The following DYNC1I2 variants were observed in gnomAD, a reference collection of about 807,000 sequenced individuals.
DYNC1I2 encodes cytoplasmic dynein 1 intermediate chain 2.
In DYNC1I2, 53 loss-of-function variants were observed where a neutral mutation model predicts 88.6. That is an observed-to-expected ratio of 0.60 (90% CI 0.48 to 0.75). DYNC1I2 has a LOEUF of 0.75. DYNC1I2 is among the 30% of genes least tolerant of loss of function. The pLI is 0.00. For missense variants in DYNC1I2, 458 were observed against 766.6 expected, an observed-to-expected ratio of 0.60 and a Z score of 4.75; for synonymous variants, 198 against 254.6, an observed-to-expected ratio of 0.78 and a Z score of 2.12.
chr2:171,728,617 A>G lies in DYNC1I2; in HGVS notation c.1258-100A>G, dbSNP rs180996802. 2.7e-6 allele frequency: 3 copies of G among 1,106,442 alleles called. No homozygotes were observed. In the African/African-American group the frequency reaches 4.8e-5, roughly 18 times the overall value. 68.5% of individuals were successfully genotyped at this position (1,106,442 alleles called of 1,614,324 possible). On this transcript the variant is annotated intron_variant, in intron 13 of 17. Transcript: ENST00000397119. ...GCTTCATTTAATTTAGATTTATGTA[A>G]ATAATAAAAGAATTGTTTACAATCA...
At chr2:171,740,170 A>G (rs1252059973) in intron 15 of DYNC1I2, among the ~76,000 whole-genome samples, 1 of 152,082 alleles carries the variant, frequency 6.6e-6, no homozygotes, top group East Asian at 1.9e-4. Flanking sequence ...TGTCATTCAT[A>G]TTAATGTGTG....
chr2:171,697,690 A>AG (rs1325578226), intron 3 of DYNC1I2, among the ~76,000 whole-genome samples: 1 of 151,702 alleles, frequency 6.6e-6, no homozygotes, highest in African/African-American at 2.4e-5. Flanking sequence ...TCTACAAAAA[A>AG]AAAAAAAGAA....
chr2:171,705,844 T>G (rs1413918282), intron 3 of DYNC1I2, among the ~76,000 whole-genome samples: 1 of 152,204 alleles, frequency 6.6e-6, no homozygotes, highest in East Asian at 1.9e-4. Context: ...TTAGAAACAT[T>G]GATGAAGTTT....
At chr2:171,707,641 TAG>T (rs1686788048) in intron 5 of DYNC1I2, among the ~76,000 whole-genome samples, 5 of 152,172 alleles carry the variant, frequency 3.3e-5, no homozygotes, top group Admixed American at 2.0e-4. Context: ...ATATTAAAAA[TAG>T]AGATATTAAT....
At chr2:171,719,501 A>G (rs17427473) in intron 7 of DYNC1I2, among the ~76,000 whole-genome samples, 38,399 of 152,080 alleles carry the variant, frequency 0.25, 5,878 homozygotes, top group Middle Eastern at 0.37. Context: ...AGAATTATGT[A>G]ATGAATTCCA....
At chr2:171,708,650 C>T (rs80044521) in intron 5 of DYNC1I2, among the ~76,000 whole-genome samples, 1 of 151,776 alleles carries the variant, frequency 6.6e-6, no homozygotes, top group African/African-American at 2.4e-5. Flanking sequence ...AATTTTTTTT[C>T]ATATTTTGTG....
chr2:171,737,673 G>T (rs1689106125), intron 15 of DYNC1I2, among the ~76,000 whole-genome samples: 1 of 152,066 alleles, frequency 6.6e-6, no homozygotes, highest in Admixed American at 6.6e-5. Flanking sequence ...CCTGCCTCGG[G>T]CTCCCAAAGT....
intron 11 of DYNC1I2, 60 bp from the exon 12 acceptor site, chr2:171,727,761 T>G: frequency 2.0e-6 from 3 of 1,509,762 alleles, no homozygotes; most frequent in Non-Finnish European, 2.7e-6. Context: ...GATTGATTTT[T>G]AGAACTTGTC....
At position 171,744,118 on chromosome 2, in the gene DYNC1I2, C is replaced by T. The variant is rs1237490373; in HGVS notation, c.1606C>T (p.His536Tyr). The change falls in exon 16 of 18, where the codon CAC becomes TAC. Residue 536 changes from histidine (H) to tyrosine (Y), a missense_variant. His to Tyr is a moderately conservative substitution (Grantham distance 83). Transcript: ENST00000397119. Reference sequence around the variant, plus strand: ...TTATGATGTTATGTGGTCACCTACCCACCCAGCCCTGTTTGCCTGTGTGGA... The same window carrying T: ...TTATGATGTTATGTGGTCACCTACCTACCCAGCCCTGTTTGCCTGTGTGGA... Reference protein sequence around the residue: ...YVYDVMWSPTHPALFACVDGM... With the variant: ...YVYDVMWSPTYPALFACVDGM... 1 of 1,613,394 alleles carries T rather than the reference C, an allele frequency of 6.2e-7. No homozygotes were observed. The highest frequency in any genetic ancestry group is 8.5e-7 in the Non-Finnish European group (1 of 1,179,646).
intron 3 of DYNC1I2, among the ~76,000 whole-genome samples, chr2:171,698,827 C>T (rs894678664): frequency 1.3e-5 from 2 of 152,120 alleles, no homozygotes; most frequent in Admixed American, 1.3e-4. Context: ...CGAGATGGCG[C>T]CACTGCACTC....
At chr2:171,718,832 A>G (rs913920419) in intron 7 of DYNC1I2, among the ~76,000 whole-genome samples, 2 of 152,212 alleles carry the variant, frequency 1.3e-5, no homozygotes, top group African/African-American at 2.4e-5. Context: ...ATCATCTGTA[A>G]TGCTGTCACC....
intron 15 of DYNC1I2, among the ~76,000 whole-genome samples, chr2:171,736,801 A>G (rs1021760556): frequency 1.3e-5 from 2 of 152,188 alleles, no homozygotes; most frequent in African/African-American, 4.8e-5. Context: ...TTGGAAGAGA[A>G]TTCATTTATT....
At chr2:171,725,792 A>C (rs2105682851) in intron 8 of DYNC1I2, 79 bp downstream of exon 8, 1 of 1,264,132 alleles carries the variant, frequency 7.9e-7, no homozygotes, top group East Asian at 2.5e-5. Flanking sequence ...AAGTAGGATG[A>C]AATGCTGTAA....
At chr2:171,696,818 T>C (rs1685802558) in intron 3 of DYNC1I2, among the ~76,000 whole-genome samples, 1 of 152,168 alleles carries the variant, frequency 6.6e-6, no homozygotes, top group Non-Finnish European at 1.5e-5. Context: ...TTTTAATTAC[T>C]GCACCTTTGT....
At chr2:171,696,648 A>C (rs1054685384) in intron 3 of DYNC1I2, among the ~76,000 whole-genome samples, 1 of 152,120 alleles carries the variant, frequency 6.6e-6, no homozygotes, top group Non-Finnish European at 1.5e-5. Flanking sequence ...TTTTCTCTAT[A>C]TAGGTAGCTA....
intron 15 of DYNC1I2, among the ~76,000 whole-genome samples, chr2:171,742,738 T>C (rs1689533584): frequency 6.6e-6 from 1 of 152,230 alleles, no homozygotes; most frequent in African/African-American, 2.4e-5. Context: ...ACATGTACCT[T>C]GTGCTTTCTG....
At chr2:171,741,684 G>C (rs1186599175) in intron 15 of DYNC1I2, among the ~76,000 whole-genome samples, 1 of 152,184 alleles carries the variant, frequency 6.6e-6, no homozygotes, top group African/African-American at 2.4e-5. Context: ...ATGTAGCTCA[G>C]TTTACCTACT....
Position 171,729,907 on chromosome 2 carries a change from G to T in DYNC1I2, c.1536+54G>T, listed in dbSNP as rs956059699. 11 of 1,585,780 alleles carry T rather than the reference G, an allele frequency of 6.9e-6. No homozygotes were observed. In the Admixed American group the frequency reaches 1.5e-4, roughly 22 times the overall value. On this transcript the variant is annotated intron_variant, in intron 15 of 17. Transcript: ENST00000397119. ...GCTCAGGTTTCTGACACAAGGTGGT[G>T]ATCTAATACTACATAGGAATGATGA...
chr2:171,720,882 C>G (rs1335888541), intron 7 of DYNC1I2, among the ~76,000 whole-genome samples: 1 of 151,926 alleles, frequency 6.6e-6, no homozygotes, highest in Non-Finnish European at 1.5e-5. Context: ...AAAGACTAAT[C>G]AGCATATCTG....
Sources: allele counts gnomAD v4.1 joint callset (sites outside exome capture counted in the v4.1 genomes callset), GRCh38; gene constraint gnomAD v4.1.1; transcripts MANE v1.5; gene names NCBI Gene and HGNC (gene_info 2026-07-23, HGNC 2026-07-21).